Variants in AHCYL2 observed in about 807,000 individuals in gnomAD.
AHCYL2 encodes adenosylhomocysteinase like 2.
Under a neutral mutation model 81.4 loss-of-function variants are expected in AHCYL2, and 28 were observed. The observed-to-expected ratio is 0.34, with a 90% CI of 0.25 to 0.47. The LOEUF is 0.47. Among genes scored for constraint, AHCYL2 ranks in the 20% least tolerant of loss-of-function variants. AHCYL2 has a pLI of 1.00. For missense variants in AHCYL2, 551 were observed against 785.1 expected, an observed-to-expected ratio of 0.70 and a Z score of 3.56; for synonymous variants, 272 against 290.2, an observed-to-expected ratio of 0.94 and a Z score of 0.64.
At chr7:129,367,892 G>C (rs1208114271) in intron 1 of AHCYL2, among the ~76,000 whole-genome samples, 1 of 152,228 alleles carries the variant, frequency 6.6e-6, no homozygotes, top group Non-Finnish European at 1.5e-5. Flanking sequence ...CGAGAGTTTG[G>C]TGCCAGACCC....
intron 1 of AHCYL2, among the ~76,000 whole-genome samples, chr7:129,351,920 T>C (rs1793580262): frequency 6.6e-6 from 1 of 152,238 alleles, no homozygotes; most frequent in Non-Finnish European, 1.5e-5. Context: ...TAATAACCAT[T>C]AGTTATTGTA....
chr7:129,320,231 A>T (rs1797968340), intron 1 of AHCYL2, among the ~76,000 whole-genome samples: 1 of 152,108 alleles, frequency 6.6e-6, no homozygotes, highest in South Asian at 2.1e-4. Context: ...AGTGTTCTTT[A>T]TATGTTCTAA....
intron 1 of AHCYL2, among the ~76,000 whole-genome samples, chr7:129,334,493 C>T (rs1409475144): frequency 2.6e-5 from 4 of 152,098 alleles, no homozygotes; most frequent in East Asian, 1.9e-4. Flanking sequence ...TGTCGACAGA[C>T]GATAGCAGTT....
intron 4 of AHCYL2, among the ~76,000 whole-genome samples, chr7:129,396,232 C>A (rs1795733118): frequency 6.6e-6 from 1 of 152,134 alleles, no homozygotes; most frequent in South Asian, 2.1e-4. Flanking sequence ...ACACCATTCT[C>A]CTGGCTCAGC....
In AHCYL2 at chr7:129,389,254, A is replaced by G. The variant is rs1388991453; in HGVS notation, c.619+55A>G. 6 of 1,604,584 alleles carry G rather than the reference A, an allele frequency of 3.7e-6. No homozygotes were observed. In the Admixed American group the frequency reaches 1.0e-4, roughly 27 times the overall value. ...AACCTACCTGTGTCTTTTTGTCCAT[A>G]TTAATCCCTTTTTATGTCTGGGGTC... is the stretch of plus-strand genomic sequence containing the variant. On this transcript the variant is annotated intron_variant, in intron 3 of 16. Transcript: ENST00000325006.
intron 1 of AHCYL2, among the ~76,000 whole-genome samples, chr7:129,321,205 C>T (rs1038906927): frequency 1.3e-5 from 2 of 152,060 alleles, no homozygotes; most frequent in East Asian, 3.8e-4. Context: ...ACTTGCCATA[C>T]AGTGTTAAAT....
Position 129,368,681 on chromosome 7 carries a change from T to A in AHCYL2, c.364-10957T>A. ...CCGTGGTTGGAAAAACAGTTATTAC[T>A]CTACGTTCTGATTAGTTCCTAGGTA... On this transcript the variant is annotated intron_variant, in intron 1 of 16. Coordinates refer to ENST00000325006, the MANE Select transcript of AHCYL2 (RefSeq NM_015328.4). This position sits in a 1 kb window ranked among gnomAD's most constrained non-coding sequence, Gnocchi z 4.4. 9.0e-7 allele frequency: 1 copy of A among 1,116,624 alleles called. No individual in the cohort carries two copies. Among genetic ancestry groups the A allele is most frequent in the Non-Finnish European group, 1.3e-6 (1 of 754,014 alleles). 69.2% of individuals were successfully genotyped at this position (1,116,624 alleles called of 1,614,324 possible).
Position 129,427,267 on chromosome 7 carries a change from T to C in AHCYL2, c.*222T>C, listed in dbSNP as rs912279340. 3.9e-6 allele frequency: 2 copies of C among 507,462 alleles called. No individual in the cohort carries two copies. Among genetic ancestry groups the C allele is most frequent in the Non-Finnish European group, 7.0e-6 (2 of 287,110 alleles). 31.4% of individuals were successfully genotyped at this position (507,462 alleles called of 1,614,324 possible). A position where few individuals can be genotyped will look rare whatever the true frequency, so the allele number is the denominator to read the frequency against. On this transcript the variant is annotated 3_prime_UTR_variant, in exon 17 of 17. Transcript: ENST00000325006. This position sits in a 1 kb window ranked among gnomAD's most constrained non-coding sequence, Gnocchi z 5.5. Reference sequence around the variant, plus strand: ...TGAGGGCCATGAAAGCCACAGAGGATGGGCTGAGGAAGGAAAGAAATGGGG... The same window carrying C: ...TGAGGGCCATGAAAGCCACAGAGGACGGGCTGAGGAAGGAAAGAAATGGGG...
intron 1 of AHCYL2, among the ~76,000 whole-genome samples, chr7:129,340,986 C>T (rs1793159630): frequency 6.6e-6 from 1 of 152,090 alleles, no homozygotes; most frequent in Admixed American, 6.5e-5. Context: ...TGTTGTACTG[C>T]CCTTGTCTGG....
chr7:129,237,663 A>G (rs1389781626), intron 1 of AHCYL2, among the ~76,000 whole-genome samples: 1 of 152,064 alleles, frequency 6.6e-6, no homozygotes, highest in Non-Finnish European at 1.5e-5. Flanking sequence ...AGAGAAACTC[A>G]TCTTCTGCAT....
At chr7:129,285,581 A>G (rs182630111) in intron 1 of AHCYL2, among the ~76,000 whole-genome samples, 82 of 152,284 alleles carry the variant, frequency 5.4e-4, no homozygotes, top group East Asian at 5.8e-4. Flanking sequence ...CTTACTGCCA[A>G]TCTTTCCCCA....
chr7:129,263,554 C>T (rs182837725), intron 1 of AHCYL2, among the ~76,000 whole-genome samples: 44 of 152,316 alleles, frequency 2.9e-4, no homozygotes, highest in Admixed American at 1.2e-3. Flanking sequence ...CTTGAAGTAG[C>T]TTGAGGGAAT....
At chr7:129,311,792 G>A (rs74741558) in intron 1 of AHCYL2, among the ~76,000 whole-genome samples, 150 of 152,108 alleles carry the variant, frequency 9.9e-4, no homozygotes, top group African/African-American at 3.3e-3. Flanking sequence ...TGTTTCCGTC[G>A]TCTGTTTTCA....
At position 129,427,060 on chromosome 7, in the gene AHCYL2, A is replaced by C. The variant is rs1025040608; in HGVS notation, c.*15A>C. On this transcript the variant is annotated 3_prime_UTR_variant, in exon 17 of 17. Coordinates refer to ENST00000325006, the MANE Select transcript of AHCYL2 (RefSeq NM_015328.4). This position sits in a 1 kb window ranked among gnomAD's most constrained non-coding sequence, Gnocchi z 5.5. ...CCAGGTATTAAGTTCCTGTAACTCA[A>C]ACCAGAATTTTTAAGGAATAGAACT... 24 of 1,604,370 alleles carry C rather than the reference A, an allele frequency of 1.5e-5. No homozygotes were observed. The African/African-American group carries it at 2.7e-4, about 18-fold the overall frequency.
chr7:129,360,240 C>T (rs1442466881), intron 1 of AHCYL2, among the ~76,000 whole-genome samples: 2 of 152,072 alleles, frequency 1.3e-5, no homozygotes, highest in African/African-American at 2.4e-5. Context: ...CTCAGCCTTC[C>T]CAAGTAGCTG....
chr7:129,380,132 C>A (rs374069484), intron 2 of AHCYL2, among the ~76,000 whole-genome samples: 1 of 151,656 alleles, frequency 6.6e-6, no homozygotes, highest in African/African-American at 2.4e-5. Flanking sequence ...CTGGTACTTG[C>A]AAATTAACAG....
chr7:129,330,677 A>G (rs1468214280), intron 1 of AHCYL2, among the ~76,000 whole-genome samples: 1 of 151,462 alleles, frequency 6.6e-6, no homozygotes, highest in Non-Finnish European at 1.5e-5. Context: ...TAGCCAGGAT[A>G]GTATCCATCT....
At chr7:129,353,013 T>C (rs2150832759) in intron 1 of AHCYL2, among the ~76,000 whole-genome samples, 1 of 143,988 alleles carries the variant, frequency 6.9e-6, no homozygotes, top group East Asian at 2.2e-4. Flanking sequence ...GTGTGGTCTC[T>C]CGGCTCACTG....
intron 1 of AHCYL2, among the ~76,000 whole-genome samples, chr7:129,349,015 T>G (rs1172574501): frequency 6.6e-6 from 1 of 152,230 alleles, no homozygotes; most frequent in Non-Finnish European, 1.5e-5. Flanking sequence ...GATCGTTTTC[T>G]CTTTACAGCT....
Sources: gnomAD v4.1 joint callset for allele counts (sites outside exome capture counted in the v4.1 genomes callset) on GRCh38, gnomAD v4.1.1 for gene constraint, Gnocchi (gnomAD v3.1) non-coding constraint, MANE v1.5 for transcripts, NCBI Gene and HGNC (gene_info 2026-07-23, HGNC 2026-07-21) for gene names.